ADGRL3: variants seen among roughly 807,000 people sequenced by gnomAD.
ADGRL3 encodes the protein calcium-independent alpha-latrotoxin receptor 3.
ADGRL3 carries 62 observed loss-of-function variants against 153.5 expected under a neutral mutation model. The ratio of observed to expected loss-of-function variants is 0.40; its 90% confidence interval spans 0.33 to 0.50. ADGRL3 has a LOEUF of 0.50. Ranked by LOEUF, ADGRL3 falls within the 20% of genes least tolerant of loss-of-function variation. The pLI, the probability that ADGRL3 is intolerant of heterozygous loss-of-function variation, is 0.47. For synonymous variants in ADGRL3, 710 were observed against 672.5 expected (o/e 1.06, Z -0.86); for missense variants, 1,641 against 1,859.4 (o/e 0.88, Z 2.16).
intron 19 of ADGRL3, among the ~76,000 whole-genome samples, chr4:61,987,331 G>A (rs779396947): frequency 6.6e-6 from 1 of 151,414 alleles, no homozygotes; most frequent in Non-Finnish European, 1.5e-5. Flanking sequence ...GCACCACCAC[G>A]CCCGTCTAAT....
chr4:61,852,094 G>A (rs967117524), intron 9 of ADGRL3, among the ~76,000 whole-genome samples: 2 of 152,106 alleles, frequency 1.3e-5, no homozygotes, highest in East Asian at 1.9e-4. Context: ...GCAAAACTGA[G>A]GGTAGCCATA....
chr4:61,413,837 A>T (rs922792244), intron 2 of ADGRL3, among the ~76,000 whole-genome samples: 1 of 152,202 alleles, frequency 6.6e-6, no homozygotes, highest in African/African-American at 2.4e-5. Flanking sequence ...ACATTGTTCC[A>T]TGAGTCTGAG....
intron 4 of ADGRL3, among the ~76,000 whole-genome samples, chr4:61,533,086 A>G (rs1460813408): frequency 6.6e-6 from 1 of 152,228 alleles, no homozygotes; most frequent in Non-Finnish European, 1.5e-5. Flanking sequence ...GCCATAAAAC[A>G]AAAGAATAAG....
At chr4:62,003,428 CAGT>C (rs2099147311) in intron 21 of ADGRL3, among the ~76,000 whole-genome samples, 2 of 151,936 alleles carry the variant, frequency 1.3e-5, no homozygotes, top group South Asian at 4.1e-4. Context: ...GTGTCAAACC[CAGT>C]TGGGTTTGAA....
intron 9 of ADGRL3, among the ~76,000 whole-genome samples, chr4:61,848,654 T>C (rs942843960): frequency 1.3e-5 from 2 of 152,130 alleles, no homozygotes; most frequent in African/African-American, 4.8e-5. Context: ...CCCTGTATTC[T>C]AAATTTTATC....
intron 21 of ADGRL3, among the ~76,000 whole-genome samples, chr4:62,027,768 T>C (rs1719610814): frequency 6.6e-6 from 1 of 152,006 alleles, no homozygotes; most frequent in African/African-American, 2.4e-5. Flanking sequence ...CTGAGCATTT[T>C]ATTCATAATA....
chr4:61,538,293 T>G (rs938810288), intron 4 of ADGRL3, among the ~76,000 whole-genome samples: 1 of 152,170 alleles, frequency 6.6e-6, no homozygotes, highest in Non-Finnish European at 1.5e-5. Flanking sequence ...AGTGGCTTTT[T>G]CAAATGATGC....
intron 8 of ADGRL3, among the ~76,000 whole-genome samples, chr4:61,760,843 G>T (rs1289542412): frequency 6.6e-6 from 1 of 152,136 alleles, no homozygotes; most frequent in Non-Finnish European, 1.5e-5. Context: ...TTGCAACAGA[G>T]AAAGAATAAT....
intron 2 of ADGRL3, among the ~76,000 whole-genome samples, chr4:61,453,545 T>C (rs141891201): frequency 2.6e-5 from 4 of 152,254 alleles, no homozygotes; most frequent in Admixed American, 2.0e-4. Flanking sequence ...ATAGGCGCTG[T>C]ATGGGTTAAA....
chr4:61,681,014 TTAG>T (rs2095323959), intron 6 of ADGRL3, among the ~76,000 whole-genome samples: 1 of 152,112 alleles, frequency 6.6e-6, no homozygotes. Context: ...ATGTTCTTCC[TTAG>T]TGGATATTTT....
At chr4:61,695,638 G>A (rs755355200) in intron 6 of ADGRL3, among the ~76,000 whole-genome samples, 5 of 152,132 alleles carry the variant, frequency 3.3e-5, no homozygotes, top group Non-Finnish European at 5.9e-5. Context: ...CCCCTAATAA[G>A]AGACTTAGCT....
intron 4 of ADGRL3, among the ~76,000 whole-genome samples, chr4:61,536,908 T>C (rs143757470): frequency 6.6e-6 from 1 of 152,120 alleles, no homozygotes; most frequent in Non-Finnish European, 1.5e-5. Flanking sequence ...TGTGAGGTAT[T>C]ATTCTTGTCA....
At chr4:61,291,525 T>A (rs1309350682) in intron 1 of ADGRL3, among the ~76,000 whole-genome samples, 1 of 149,840 alleles carries the variant, frequency 6.7e-6, no homozygotes, top group Non-Finnish European at 1.5e-5. Flanking sequence ...ATGGTGGTCC[T>A]GGAACCACTT....
chr4:61,422,371 C>T (rs1410760351), intron 2 of ADGRL3, among the ~76,000 whole-genome samples: 1 of 152,048 alleles, frequency 6.6e-6, no homozygotes, highest in African/African-American at 2.4e-5. Flanking sequence ...TTTCATTTCT[C>T]ATCATGTATT....
At chr4:61,595,449 T>C (rs2098985179) in intron 5 of ADGRL3, among the ~76,000 whole-genome samples, 1 of 151,940 alleles carries the variant, frequency 6.6e-6, no homozygotes, top group Admixed American at 6.6e-5. Context: ...TGTTGAGAAA[T>C]GTCATCTAGG....
In ADGRL3 at chr4:61,319,810, G is replaced by A. The variant is rs373183210; in HGVS notation, c.-239-63314G>A. On this transcript the variant is annotated intron_variant, in intron 1 of 26. Transcript: ENST00000683033. ...CAACTGAGTAAGGTAAGGTGCTTCT[G>A]TCTAATTCTCTTACATTTTACATAT... Among the ~76,000 whole-genome samples, 29 of 152,254 alleles carry A rather than the reference G, an allele frequency of 1.9e-4. 1 individual carries two copies. The highest frequency in any genetic ancestry group is 7.0e-4 in the African/African-American group (29 of 41,552).
intron 8 of ADGRL3, among the ~76,000 whole-genome samples, chr4:61,766,669 C>T (rs1316079734): frequency 1.1e-4 from 17 of 151,802 alleles, no homozygotes; most frequent in Non-Finnish European, 2.1e-4. Flanking sequence ...TGAAGCTTTG[C>T]GGCAGTACAG....
intron 8 of ADGRL3, among the ~76,000 whole-genome samples, chr4:61,770,904 C>T (rs570064055): frequency 5.3e-5 from 8 of 152,154 alleles, no homozygotes; most frequent in East Asian, 1.9e-4. Flanking sequence ...CTAAGTGATG[C>T]GGGGTTTTTC....
At chr4:61,586,342 C>T (rs2098946560) in intron 4 of ADGRL3, among the ~76,000 whole-genome samples, 1 of 151,866 alleles carries the variant, frequency 6.6e-6, no homozygotes, top group Non-Finnish European at 1.5e-5. Flanking sequence ...AACACCAAGA[C>T]CTTTCAGGAT....
Sources: allele counts gnomAD v4.1 joint callset (sites outside exome capture counted in the v4.1 genomes callset), GRCh38; gene constraint gnomAD v4.1.1; transcripts MANE v1.5; gene names NCBI Gene and HGNC (gene_info 2026-07-23, HGNC 2026-07-21).